The following RUNDC3B variants were observed in gnomAD, a reference collection of about 807,000 sequenced individuals.
RUNDC3B encodes RUN domain-containing protein 3B.
In RUNDC3B, 33 loss-of-function variants were observed where a neutral mutation model predicts 58.4. The ratio of observed to expected loss-of-function variants is 0.56; its 90% CI spans 0.43 to 0.75. The LOEUF (loss-of-function observed/expected upper bound fraction) is 0.75, where lower values mean the gene tolerates loss of function less well. RUNDC3B is among the 30% of genes least tolerant of loss of function. The pLI, the probability that RUNDC3B is intolerant of heterozygous loss-of-function variation, is 0.00. For missense variants in RUNDC3B, 501 were observed against 535.7 expected (o/e 0.94, Z 0.64); for synonymous variants, 193 against 195.2 (o/e 0.99, Z 0.10).
chr7:87,632,491 T>A (rs923239915), intron 1 of RUNDC3B, among the ~76,000 whole-genome samples: 4 of 152,196 alleles, frequency 2.6e-5, no homozygotes, highest in Non-Finnish European at 2.9e-5. Context: ...TTTCACAGAT[T>A]TTGGTGAAGA....
intron 10 of RUNDC3B, among the ~76,000 whole-genome samples, chr7:87,817,650 A>C (rs1837135420): frequency 6.6e-6 from 1 of 152,158 alleles, no homozygotes; most frequent in Admixed American, 6.5e-5. Context: ...CTTTCTAAAG[A>C]AGCTTTCACT....
intron 4 of RUNDC3B, among the ~76,000 whole-genome samples, chr7:87,732,527 C>T (rs1009601827): frequency 3.9e-5 from 6 of 152,102 alleles, no homozygotes; most frequent in African/African-American, 1.4e-4. Context: ...CATTGGGCAC[C>T]AGATATTGCA....
chr7:87,703,510 C>T (rs1829272831), intron 3 of RUNDC3B, among the ~76,000 whole-genome samples: 1 of 152,316 alleles, frequency 6.6e-6, no homozygotes, highest in Admixed American at 6.5e-5. Flanking sequence ...GTTAAAGCCA[C>T]TGCTCCCTCC....
chr7:87,737,347 C>T (rs981119603), intron 4 of RUNDC3B, among the ~76,000 whole-genome samples: 5 of 151,868 alleles, frequency 3.3e-5, no homozygotes, highest in African/African-American at 1.2e-4. Context: ...TTTAATGTTC[C>T]AATTTTTCAA....
intron 1 of RUNDC3B, among the ~76,000 whole-genome samples, chr7:87,632,766 T>C (rs1468454888): frequency 3.4e-4 from 52 of 152,194 alleles, no homozygotes. Flanking sequence ...ATTTTGGTTT[T>C]GGTGGCAGAG....
chr7:87,729,015 G>T (rs999632307), intron 4 of RUNDC3B, among the ~76,000 whole-genome samples: 15 of 151,934 alleles, frequency 9.9e-5, no homozygotes, highest in Non-Finnish European at 1.8e-4. Context: ...TGTCCATCTT[G>T]TCTATCCACA....
At chr7:87,647,972 C>T (rs1584995387) in intron 1 of RUNDC3B, among the ~76,000 whole-genome samples, 2 of 151,914 alleles carry the variant, frequency 1.3e-5, no homozygotes. Flanking sequence ...ATCATGAGGT[C>T]AAGAAATCGA....
chr7:87,788,212 C>T (rs1267632772), intron 8 of RUNDC3B, among the ~76,000 whole-genome samples: 1 of 152,156 alleles, frequency 6.6e-6, no homozygotes, highest in Non-Finnish European at 1.5e-5. Context: ...CACTTGAGGC[C>T]TGCAGTTCAA....
chr7:87,750,194 C>T (rs1832884506), intron 6 of RUNDC3B, among the ~76,000 whole-genome samples: 1 of 152,148 alleles, frequency 6.6e-6, no homozygotes, highest in Non-Finnish European at 1.5e-5. Flanking sequence ...CATGTCCCTA[C>T]AAAGGACATG....
chr7:87,791,637 T>A (rs533841467), intron 8 of RUNDC3B, among the ~76,000 whole-genome samples: 16 of 152,058 alleles, frequency 1.1e-4, no homozygotes, highest in African/African-American at 3.9e-4. Context: ...ATGTAATGAA[T>A]GTCATCAGTT....
chr7:87,808,906 CT>C (rs1178542820), intron 9 of RUNDC3B, among the ~76,000 whole-genome samples: 1 of 151,974 alleles, frequency 6.6e-6, no homozygotes, highest in African/African-American at 2.4e-5. Context: ...TGTTTTTTAA[CT>C]GCAAAAATAG....
At chr7:87,727,823 G>A (rs1026817941) in intron 4 of RUNDC3B, among the ~76,000 whole-genome samples, 3 of 152,016 alleles carry the variant, frequency 2.0e-5, no homozygotes, top group African/African-American at 7.2e-5. Flanking sequence ...TCTGATATTT[G>A]ACAGATCAAG....
chr7:87,795,102 G>A (rs1321778726), intron 8 of RUNDC3B, among the ~76,000 whole-genome samples: 1 of 152,070 alleles, frequency 6.6e-6, no homozygotes, highest in South Asian at 2.1e-4. Context: ...ACAAGCATAG[G>A]CAACCAAAGC....
At chr7:87,810,032 T>C (rs1190406934) in intron 9 of RUNDC3B, among the ~76,000 whole-genome samples, 3 of 151,636 alleles carry the variant, frequency 2.0e-5, no homozygotes, top group Non-Finnish European at 4.4e-5. Flanking sequence ...AAACTGACCC[T>C]ATAATTCATT....
intron 4 of RUNDC3B, among the ~76,000 whole-genome samples, chr7:87,726,220 T>C (rs908077812): frequency 4.6e-5 from 7 of 152,200 alleles, no homozygotes; most frequent in African/African-American, 1.4e-4. Flanking sequence ...TTTTTGTGGT[T>C]TTAGGTCTAA....
chr7:87,786,720 T>C (rs1460563938), intron 8 of RUNDC3B, among the ~76,000 whole-genome samples: 1 of 152,174 alleles, frequency 6.6e-6, no homozygotes, highest in Non-Finnish European at 1.5e-5. Context: ...TGTTTTCATT[T>C]TAAGAATTAA....
chr7:87,648,532 CAA>C (rs11307709), intron 1 of RUNDC3B, among the ~76,000 whole-genome samples: 5 of 134,556 alleles, frequency 3.7e-5, no homozygotes, highest in East Asian at 2.2e-4. Flanking sequence ...TGCCAAAAGA[CAA>C]AAAAAAAAAG....
chr7:87,645,008 A>G (rs910596438), intron 1 of RUNDC3B, among the ~76,000 whole-genome samples: 2 of 151,682 alleles, frequency 1.3e-5, no homozygotes, highest in Admixed American at 6.6e-5. Context: ...TTCTCTTGCT[A>G]TGATGACAAA....
intron 6 of RUNDC3B, among the ~76,000 whole-genome samples, chr7:87,741,957 T>A (rs562218391): frequency 1.3e-5 from 2 of 152,338 alleles, no homozygotes; most frequent in South Asian, 4.1e-4. Flanking sequence ...TAACATTTTA[T>A]GCATATCAAT....
Sources: gnomAD v4.1 joint callset for allele counts (sites outside exome capture counted in the v4.1 genomes callset) on GRCh38, gnomAD v4.1.1 for gene constraint, MANE v1.5 for transcripts, NCBI Gene and HGNC (gene_info 2026-07-23, HGNC 2026-07-21) for gene names.